Variants in NRXN1 observed in about 807,000 individuals in gnomAD.
NRXN1 encodes neurexin 1, also known as neurexin-1.
Under a neutral mutation model 150.9 loss-of-function variants are expected in NRXN1, and 39 were observed. The ratio of observed to expected loss-of-function variants is 0.26; its 90% CI spans 0.20 to 0.34. The LOEUF (loss-of-function observed/expected upper bound fraction) is 0.34, where lower values mean the gene tolerates loss of function less well. Ranked by LOEUF, NRXN1 falls within the 10% of genes least tolerant of loss-of-function variation. The pLI is 1.00. For synonymous variants in NRXN1, 924 were observed against 757.0 expected (o/e 1.22, Z -3.62); for missense variants, 1,815 against 1,949.9 (o/e 0.93, Z 1.30).
At chr2:50,397,989 T>C (rs1049236050) in intron 17 of NRXN1, among the ~76,000 whole-genome samples, 1 of 152,156 alleles carries the variant, frequency 6.6e-6, no homozygotes, top group Non-Finnish European at 1.5e-5. Context: ...TTACAGATAA[T>C]GTGAATACAT....
intron 19 of NRXN1, among the ~76,000 whole-genome samples, chr2:50,056,266 C>T (rs1055590981): frequency 6.6e-6 from 1 of 151,988 alleles, no homozygotes; most frequent in Non-Finnish European, 1.5e-5. Context: ...TTTATAAGTG[C>T]TTTCTTTTGC....
At chr2:50,922,716 A>G in intron 3 of NRXN1, 29 bp from the exon 4 acceptor site, 1 of 1,608,638 alleles carries the variant, frequency 6.2e-7, no homozygotes, top group South Asian at 1.1e-5. Flanking sequence ...CACAGTCAGC[A>G]ATAAACAAGG....
intron 18 of NRXN1, among the ~76,000 whole-genome samples, chr2:50,099,752 A>G (rs764006909): frequency 6.6e-6 from 1 of 152,098 alleles, no homozygotes; most frequent in African/African-American, 2.4e-5. Flanking sequence ...CAGGGTATCT[A>G]TTTTGTAAAT....
intron 5 of NRXN1, among the ~76,000 whole-genome samples, chr2:50,734,296 T>G (rs952353248): frequency 6.6e-6 from 1 of 152,150 alleles, no homozygotes; most frequent in African/African-American, 2.4e-5. Context: ...TCTTTTAAGG[T>G]AGCAACAGAA....
At chr2:50,311,149 A>G (rs1341993833) in intron 17 of NRXN1, among the ~76,000 whole-genome samples, 1 of 152,108 alleles carries the variant, frequency 6.6e-6, no homozygotes, top group African/African-American at 2.4e-5. Context: ...GTTTTATATA[A>G]TACATGCTTA....
At chr2:50,899,949 T>C (rs557591061) in intron 5 of NRXN1, among the ~76,000 whole-genome samples, 4 of 152,278 alleles carry the variant, frequency 2.6e-5, no homozygotes, top group Admixed American at 1.3e-4. Context: ...TGTACTGATA[T>C]TAGGCACACA....
chr2:50,190,363 A>T (rs2061366090), intron 18 of NRXN1, among the ~76,000 whole-genome samples: 1 of 152,160 alleles, frequency 6.6e-6, no homozygotes, highest in Admixed American at 6.6e-5. Context: ...AGGGATGCAT[A>T]AAAGTTTATT....
intron 8 of NRXN1, among the ~76,000 whole-genome samples, chr2:50,612,627 AG>A (rs1319113503): frequency 6.6e-6 from 1 of 152,184 alleles, no homozygotes; most frequent in African/African-American, 2.4e-5. Flanking sequence ...CTTCAGCAAA[AG>A]CTCCTACTTT....
chr2:50,202,537 G>T (rs938345122), intron 18 of NRXN1, among the ~76,000 whole-genome samples: 6 of 151,838 alleles, frequency 4.0e-5, no homozygotes, highest in African/African-American at 1.2e-4. Flanking sequence ...AAAAAAGGAG[G>T]CAATGGACTT....
At chr2:50,471,493 T>A (rs190820526) in intron 16 of NRXN1, among the ~76,000 whole-genome samples, 1 of 152,028 alleles carries the variant, frequency 6.6e-6, no homozygotes, top group Admixed American at 6.6e-5. Context: ...ATTTTCTTTA[T>A]CCACTCATTG....
At position 50,811,887 on chromosome 2, in the gene NRXN1, C is replaced by G. The variant is rs1221307341; in HGVS notation, c.832+109982G>C. 1.3e-5 allele frequency among the ~76,000 whole-genome samples: 2 copies of G among 151,920 alleles called. 1 individual carries two copies. Among genetic ancestry groups the G allele is most frequent in the East Asian group, 3.9e-4 (2 of 5,164 alleles). ...ATCTGTATTATTTTTTGACAGTGCACCTAAAGTAAAAATGTGGCTCCATAT... is the reference window on the plus strand; with the variant it reads ...ATCTGTATTATTTTTTGACAGTGCAGCTAAAGTAAAAATGTGGCTCCATAT... On this transcript the variant is annotated intron_variant, in intron 5 of 22. Transcript: ENST00000401669.
chr2:50,726,680 A>T (rs1402821908), intron 5 of NRXN1, among the ~76,000 whole-genome samples: 1 of 152,198 alleles, frequency 6.6e-6, no homozygotes, highest in Non-Finnish European at 1.5e-5. Context: ...TTAAATAATG[A>T]CAGAAGCCAC....
At chr2:50,613,628 G>C (rs1226579112) in intron 8 of NRXN1, among the ~76,000 whole-genome samples, 1 of 152,112 alleles carries the variant, frequency 6.6e-6, no homozygotes, top group Non-Finnish European at 1.5e-5. Context: ...GCGGGCATTA[G>C]CAAAATCTAT....
At chr2:50,638,284 C>T (rs1683530104) in intron 5 of NRXN1, among the ~76,000 whole-genome samples, 1 of 152,028 alleles carries the variant, frequency 6.6e-6, no homozygotes, top group South Asian at 2.1e-4. Flanking sequence ...TTTTTAGTTT[C>T]TAGTTAGTTC....
At chr2:50,842,095 C>G (rs1672963397) in intron 5 of NRXN1, among the ~76,000 whole-genome samples, 1 of 152,176 alleles carries the variant, frequency 6.6e-6, no homozygotes, top group South Asian at 2.1e-4. Context: ...GGTCAAGTAC[C>G]CAGCATCTTT....
At chr2:50,855,996 T>C (rs1164133960) in intron 5 of NRXN1, among the ~76,000 whole-genome samples, 4 of 150,776 alleles carry the variant, frequency 2.7e-5, no homozygotes, top group Non-Finnish European at 3.0e-5. Context: ...GACAACATCA[T>C]ATGCAATGAG....
At chr2:50,275,426 A>G (rs1362357950) in intron 17 of NRXN1, among the ~76,000 whole-genome samples, 1 of 152,196 alleles carries the variant, frequency 6.6e-6, no homozygotes, top group Non-Finnish European at 1.5e-5. Flanking sequence ...ATTATTAAAG[A>G]CAAATATTCA....
At chr2:50,664,788 A>C (rs1687793254) in intron 5 of NRXN1, among the ~76,000 whole-genome samples, 1 of 151,838 alleles carries the variant, frequency 6.6e-6, no homozygotes, top group East Asian at 1.9e-4. Context: ...AAAAAAAAAA[A>C]AACAAAAACT....
At chr2:49,992,665 A>T (rs1682206104) in intron 21 of NRXN1, among the ~76,000 whole-genome samples, 1 of 152,136 alleles carries the variant, frequency 6.6e-6, no homozygotes, top group Non-Finnish European at 1.5e-5. Flanking sequence ...AATACTTGCA[A>T]AAGACCTATC....
Sources: gnomAD v4.1 joint callset for allele counts (sites outside exome capture counted in the v4.1 genomes callset) on GRCh38, gnomAD v4.1.1 for gene constraint, MANE v1.5 for transcripts, NCBI Gene and HGNC (gene_info 2026-07-23, HGNC 2026-07-21) for gene names.